GTF3C1: variants seen among roughly 807,000 people sequenced by gnomAD.
The protein encoded by GTF3C1 is general transcription factor IIIC subunit 1.
A neutral mutation model predicts 226.7 loss-of-function variants in GTF3C1; 57 were observed. That is an observed-to-expected ratio of 0.25 (90% CI 0.20 to 0.31). GTF3C1 has a LOEUF of 0.31. Ranked by LOEUF, GTF3C1 falls within the 10% of genes least tolerant of loss-of-function variation. The pLI is 1.00. For synonymous variants in GTF3C1, 1,090 were observed against 1,084.8 expected (o/e 1.00, Z -0.09); for missense variants, 2,217 against 2,776.1 (o/e 0.80, Z 4.53).
intron 6 of GTF3C1, among the ~76,000 whole-genome samples, chr16:27,515,872 G>A (rs1397860255): frequency 6.6e-6 from 1 of 152,212 alleles, no homozygotes; most frequent in Admixed American, 6.5e-5. Context: ...CCATGCCAAG[G>A]GCGGTACATG....
chr16:27,489,779 T>G, intron 19 of GTF3C1, 36 bp from the exon 20 acceptor site: 2 of 1,597,032 alleles, frequency 1.3e-6, no homozygotes. Flanking sequence ...CAATCACGCC[T>G]TCCTGCTGCA....
chr16:27,533,064 G>A (rs926809486), intron 5 of GTF3C1, among the ~76,000 whole-genome samples: 1 of 152,132 alleles, frequency 6.6e-6, no homozygotes, highest in Non-Finnish European at 1.5e-5. Flanking sequence ...CCTGGGAGGC[G>A]AAGGCCGAAG....
chr16:27,501,135 C>T, intron 12 of GTF3C1, 56 bp downstream of exon 12: 3 of 1,481,692 alleles, frequency 2.0e-6, no homozygotes, highest in Non-Finnish European at 2.8e-6. Context: ...AGAAGCTAGA[C>T]AAAAACTTCC....
intron 26 of GTF3C1, among the ~76,000 whole-genome samples, chr16:27,481,450 C>A (rs2088046617): frequency 6.6e-6 from 1 of 152,122 alleles, no homozygotes; most frequent in Admixed American, 6.5e-5. Flanking sequence ...GACAGCCTCA[C>A]CCTGCATCGC....
intron 26 of GTF3C1, among the ~76,000 whole-genome samples, chr16:27,482,116 T>C (rs900673600): frequency 6.6e-5 from 10 of 152,146 alleles, no homozygotes; most frequent in Non-Finnish European, 1.2e-4. Context: ...ACAAGGGCCA[T>C]GTGGGTCTAT....
Position 27,507,222 on chromosome 16 carries a change from G to T in GTF3C1, c.1243-66C>A. ...CGTCATACCCACAGGGGTTCAGGTG[G>T]TCTGTGGCATCTATTTCCTTATTGG... On this transcript the variant is annotated intron_variant, in intron 8 of 36. Transcript: ENST00000356183. This position sits in a 1 kb window ranked among gnomAD's most constrained non-coding sequence, Gnocchi z 4.9. The T allele has an allele frequency of 8.4e-7, 1 of 1,194,850 alleles. No individual in the cohort carries two copies. The highest frequency in any genetic ancestry group is 1.2e-6 in the Non-Finnish European group (1 of 842,922). The allele number at this position is 1,194,850 out of a possible 1,614,324, so 74.0% of individuals were successfully genotyped here. A position where few individuals can be genotyped will look rare whatever the true frequency, so the allele number is the denominator to read the frequency against.
At position 27,464,531 on chromosome 16, in the gene GTF3C1, C is replaced by A. The variant is rs764468404; in HGVS notation, c.5661G>T (p.Ala1887=). 1.3e-6 allele frequency: 2 copies of A among 1,513,668 alleles called. No individual in the cohort carries two copies. The highest frequency in any genetic ancestry group is 2.2e-5 in the Admixed American group (1 of 44,562). The allele number at this position is 1,513,668 out of a possible 1,614,324, so 93.8% of individuals were successfully genotyped here. A position where few individuals can be genotyped will look rare whatever the true frequency, so the allele number is the denominator to read the frequency against. Reference sequence around the variant, plus strand: ...TGGGGGCCAAATTTGAGTCCTGGAGCGCTGGCCTCTTGGCAGGGGTCATCT... The same window carrying A: ...TGGGGGCCAAATTTGAGTCCTGGAGAGCTGGCCTCTTGGCAGGGGTCATCT... ...GTQMTPAKRP[A]LQDSNLAPSL... Residue 1887 remains alanine (A), a synonymous_variant, in exon 34 of 37, where the codon GCG becomes GCT. Transcript: ENST00000356183.
intron 19 of GTF3C1, among the ~76,000 whole-genome samples, chr16:27,491,320 G>C (rs1003531947): frequency 6.6e-6 from 1 of 152,190 alleles, no homozygotes; most frequent in Non-Finnish European, 1.5e-5. Context: ...AGAGGTGGCA[G>C]GAAAAGGCCA....
Position 27,463,298 on chromosome 16 carries a change from C to T in GTF3C1, c.5924+243G>A, listed in dbSNP as rs772801655. On this transcript the variant is annotated intron_variant, in intron 35 of 36. Coordinates refer to ENST00000356183, the MANE Select transcript of GTF3C1 (RefSeq NM_001520.4). This position sits in a 1 kb window ranked among gnomAD's most constrained non-coding sequence, Gnocchi z 4.9. The stretch of plus-strand genomic sequence containing the variant: ...AGCACCAGGCATGGTTCTCCACCAG[C>T]GCCCTGGGCATTCTGGAAGCGCAGC... 16 of 541,086 alleles carry T rather than the reference C, an allele frequency of 3.0e-5. No individual in the cohort carries two copies. Among genetic ancestry groups the T allele is most frequent in the African/African-American group, 3.9e-5 (2 of 51,612 alleles). The allele number at this position is 541,086 out of a possible 1,614,324, so 33.5% of individuals were successfully genotyped here.
intron 21 of GTF3C1, 74 bp downstream of exon 21, chr16:27,488,968 TG>T: frequency 7.3e-7 from 1 of 1,365,532 alleles, no homozygotes; most frequent in Non-Finnish European, 1.0e-6. Flanking sequence ...TTTGTGTCTC[TG>T]GTCAGGCAGG....
chr16:27,540,622 G>C (rs1353757296), intron 2 of GTF3C1, among the ~76,000 whole-genome samples: 1 of 152,070 alleles, frequency 6.6e-6, no homozygotes, highest in Non-Finnish European at 1.5e-5. Context: ...AGGATACCAA[G>C]ACAAATAAAA....
At chr16:27,498,289 CATGGTTT>C (rs1463477060) in intron 13 of GTF3C1, among the ~76,000 whole-genome samples, 1 of 152,180 alleles carries the variant, frequency 6.6e-6, no homozygotes, top group African/African-American at 2.4e-5. Context: ...CAGCTCATTA[CATGGTTT>C]ATGAACAAAA....
chr16:27,473,675 G>A (rs532813479), intron 29 of GTF3C1, among the ~76,000 whole-genome samples: 86 of 152,362 alleles, frequency 5.6e-4, no homozygotes, highest in African/African-American at 1.9e-3. Context: ...GGACCGGTGC[G>A]GTGGTCAGCT....
intron 19 of GTF3C1, among the ~76,000 whole-genome samples, chr16:27,490,390 C>G (rs537868212): frequency 2.0e-5 from 3 of 152,240 alleles, no homozygotes; most frequent in Non-Finnish European, 4.4e-5. Flanking sequence ...CTCTCAAAGA[C>G]TCTCTCCTAG....
intron 29 of GTF3C1, among the ~76,000 whole-genome samples, chr16:27,473,963 G>A (rs1021696438): frequency 1.3e-5 from 2 of 152,138 alleles, no homozygotes; most frequent in African/African-American, 4.8e-5. Context: ...CTAGCGAATG[G>A]GTGTATTCCC....
intron 2 of GTF3C1, among the ~76,000 whole-genome samples, chr16:27,540,514 G>A (rs1474407950): frequency 2.6e-5 from 4 of 152,116 alleles, no homozygotes; most frequent in Non-Finnish European, 5.9e-5. Flanking sequence ...TAATTATCGC[G>A]AATTAGCTGA....
chr16:27,511,419 T>C (rs1159011678), intron 7 of GTF3C1, among the ~76,000 whole-genome samples: 2 of 152,218 alleles, frequency 1.3e-5, no homozygotes, highest in African/African-American at 4.8e-5. Context: ...GCATTCATAA[T>C]TGCATGAGCC....
At chr16:27,513,167 C>A (rs767414030) in intron 6 of GTF3C1, among the ~76,000 whole-genome samples, 3 of 152,088 alleles carry the variant, frequency 2.0e-5, no homozygotes, top group Admixed American at 6.5e-5. Context: ...TCACAGAGTC[C>A]TTAGGCTGGG....
At chr16:27,488,853 ATACCTGT>A (rs1259387545) in intron 21 of GTF3C1, among the ~76,000 whole-genome samples, 183 bp downstream of exon 21, 2 of 152,216 alleles carry the variant, frequency 1.3e-5, no homozygotes, top group Non-Finnish European at 2.9e-5. Flanking sequence ...TTAAAAAGGA[ATACCTGT>A]CCACGTCACA....
Sources: gnomAD v4.1 joint callset for allele counts (sites outside exome capture counted in the v4.1 genomes callset) on GRCh38, gnomAD v4.1.1 for gene constraint, Gnocchi (gnomAD v3.1) non-coding constraint, MANE v1.5 for transcripts, NCBI Gene and HGNC (gene_info 2026-07-23, HGNC 2026-07-21) for gene names.